TLE2: variants seen among roughly 807,000 people sequenced by gnomAD.
TLE2 encodes the protein transducin-like enhancer protein 2.
In TLE2, 74 loss-of-function variants were observed where a neutral mutation model predicts 97.2. That is an observed-to-expected ratio of 0.76 (90% CI 0.63 to 0.92). The LOEUF (loss-of-function observed/expected upper bound fraction) is 0.92. TLE2 is among the 40% of genes least tolerant of loss of function. The probability of loss-of-function intolerance (pLI) is 0.00; values close to 1 mark genes in which losing one functional copy is unlikely to be tolerated. For missense variants in TLE2, 1,038 were observed against 1,008.7 expected, an observed-to-expected ratio of 1.03 and a Z score of -0.39; for synonymous variants, 499 against 432.1, an observed-to-expected ratio of 1.15 and a Z score of -1.92.
intron 10 of TLE2, among the ~76,000 whole-genome samples, 163 bp downstream of exon 10, chr19:3,014,407 G>A (rs894779956): frequency 6.6e-6 from 1 of 152,008 alleles, no homozygotes; most frequent in East Asian, 1.9e-4. Context: ...AGAGGAGGTC[G>A]GCCAGAGGTG....
intron 18 of TLE2, 21 bp from the exon 19 acceptor site, chr19:3,000,744 G>C (rs1487434436): frequency 3.8e-6 from 6 of 1,566,916 alleles, no homozygotes; most frequent in Non-Finnish European, 5.2e-6. Context: ...GAGAGCAGCA[G>C]GGTTCAAGGA....
In TLE2 at chr19:3,025,076, T is replaced by A. The variant is rs1158027724; in HGVS notation, c.238A>T (p.Ile80Phe). 3.8e-6 allele frequency: 6 copies of A among 1,561,816 alleles called. No homozygotes were observed. The highest frequency in any genetic ancestry group is 5.2e-6 in the Non-Finnish European group (6 of 1,149,644). The change falls in exon 5 of 20, where the codon ATT becomes TTT. Residue 80 changes from isoleucine (I) to phenylalanine (F), a missense_variant. Transcript: ENST00000262953. The stretch of plus-strand genomic sequence containing the variant: ...CAGATACCGCTCAGACGCTTCACAA[T>A]CTCCGCCTGGCAGGAAGCAATGAGA... ...LNIEMHKQAE[I>F]VKRLSGICAQ... is the part of the protein sequence containing the mutation.
chr19:3,015,232 C>G (rs1177372775), intron 9 of TLE2, among the ~76,000 whole-genome samples: 1 of 152,178 alleles, frequency 6.6e-6, no homozygotes, highest in Non-Finnish European at 1.5e-5. Context: ...CACATTCGGC[C>G]TGGCCCCTGG....
intron 10 of TLE2, among the ~76,000 whole-genome samples, chr19:3,014,027 G>A (rs2089651620): frequency 6.6e-6 from 1 of 151,224 alleles, no homozygotes. Context: ...TACCCAGGCT[G>A]GAGTAATGGC....
In TLE2 at chr19:3,027,850, G is replaced by A; in HGVS notation, c.210C>T (p.Leu70=). Residue 70 remains leucine (L), a synonymous_variant, in exon 4 of 20, where the codon CTC becomes CTT. Transcript: ENST00000262953. ...YVMYYEMSYG[L]NIEMHKQAEI... ...TTACCTGCTTATGCATTTCAATGTT[G>A]AGCCCGTACGACATCTCATAATACT... 1 of 1,611,582 alleles carries A rather than the reference G, an allele frequency of 6.2e-7. No homozygotes were observed. The highest frequency in any genetic ancestry group is 2.2e-5 in the East Asian group (1 of 44,862).
chr19:3,046,809 G>A (rs2090144398), upstream of TLE2, among the ~76,000 whole-genome samples: 1 of 151,782 alleles, frequency 6.6e-6, no homozygotes, highest in East Asian at 1.9e-4. Context: ...TGTTAGAGCG[G>A]GAGAGGTAAC....
intron 15 of TLE2, 29 bp from the exon 16 acceptor site, chr19:3,005,997 G>C (rs1325116065): frequency 6.2e-7 from 1 of 1,608,974 alleles, no homozygotes; most frequent in East Asian, 2.2e-5. Flanking sequence ...GCAGGGGCTG[G>C]GGGTTGGTCC....
chr19:3,005,950 G>T lies in TLE2; in HGVS notation c.1519C>A (p.Arg507Ser). The part of the protein sequence containing the change: ...LDCLNRDNYI[R>S]SCKLLPDGRS... ...CCATCCGGCAGCAACTTGCAGGAAC[G>T]AATGTAGTTGTCTCGGTTCTGGGGT... is the stretch of plus-strand genomic sequence containing the variant. Residue 507 changes from arginine (R) to serine (S), a missense_variant, in exon 16 of 20, where the codon CGT (arginine) becomes AGT (serine). Physicochemically the swap from Arg to Ser is moderately radical, Grantham distance 110. Transcript: ENST00000262953. 2 of 1,610,228 alleles carry T rather than the reference G, an allele frequency of 1.2e-6. No individual in the cohort carries two copies. The highest frequency in any genetic ancestry group is 1.7e-6 in the Non-Finnish European group (2 of 1,176,844).
intron 1 of TLE2, among the ~76,000 whole-genome samples, chr19:3,044,225 G>A (rs969745936): frequency 6.6e-6 from 1 of 150,888 alleles, no homozygotes; most frequent in Non-Finnish European, 1.5e-5. Context: ...GGGCCTCCTC[G>A]TGACTTTCTG....
upstream of TLE2, among the ~76,000 whole-genome samples, chr19:3,034,190 C>T (rs1029425727): frequency 8.0e-4 from 121 of 152,116 alleles, no homozygotes; most frequent in African/African-American, 2.8e-3. Flanking sequence ...CAACACCTGG[C>T]CTGCAACCCT....
intron 1 of TLE2, among the ~76,000 whole-genome samples, chr19:3,036,365 G>A (rs2090062690): frequency 6.6e-6 from 1 of 151,772 alleles, no homozygotes; most frequent in South Asian, 2.1e-4. Context: ...CCTCCCTCCC[G>A]CCAGCTCCCG....
intron 1 of TLE2, among the ~76,000 whole-genome samples, chr19:3,040,998 T>TATATATATATATATATATATAC: frequency 3.4e-5 from 1 of 29,432 alleles, no homozygotes; most frequent in African/African-American, 2.1e-4. Flanking sequence ...CATTTATATA[T>TATATATATATATATATATATAC]ATATATATAT....
intron 12 of TLE2, 48 bp from the exon 13 acceptor site, chr19:3,009,750 C>T: frequency 6.4e-7 from 1 of 1,553,808 alleles, no homozygotes; most frequent in Non-Finnish European, 8.7e-7. Flanking sequence ...GGACCCAGAT[C>T]CCGCCTCCCA....
At chr19:3,010,902 G>A in intron 12 of TLE2, 120 bp downstream of exon 12, 2 of 1,369,916 alleles carry the variant, frequency 1.5e-6, no homozygotes, top group Non-Finnish European at 2.0e-6. Context: ...GTCACAAAAA[G>A]GACCAAGGCA....
rs2089378540 is a variant in TLE2 at position 3,002,256 on chromosome 19, T to C, written c.2047+97A>G. ...GAGTATATAAAACTTAGTATATAAA[T>C]AACATTATTTGTTATTTATCTAAGA... is the stretch of plus-strand genomic sequence containing the variant. On this transcript the variant is annotated intron_variant, in intron 18 of 19. Transcript: ENST00000262953. 3.8e-5 allele frequency: 53 copies of C among 1,403,504 alleles called. No individual in the cohort carries two copies. The South Asian group carries it at 7.7e-4, about 20-fold the overall frequency. 86.9% of individuals were successfully genotyped at this position (1,403,504 alleles called of 1,614,324 possible). A position where few individuals can be genotyped will look rare whatever the true frequency, so the allele number is the denominator to read the frequency against.
intron 17 of TLE2, among the ~76,000 whole-genome samples, chr19:3,004,830 C>A (rs1461321407): frequency 3.9e-5 from 6 of 152,032 alleles, no homozygotes. Context: ...CATGGAAACC[C>A]TGAATGACAG....
chr19:3,019,337 G>C lies in TLE2; in HGVS notation c.496C>G (p.Leu166Val). ...LSGALAAQAQ[L>V]AAAVKEDRAG... is the part of the protein sequence containing the mutation. Reference sequence around the variant, plus strand: ...CGGTCCTCCTTGACAGCCGCCGCCAGCTGAGCCTGGGCAGCCAGGGCTCCA... The same window carrying C: ...CGGTCCTCCTTGACAGCCGCCGCCACCTGAGCCTGGGCAGCCAGGGCTCCA... The change falls in exon 7 of 20, where the codon CTG (leucine) becomes GTG (valine). Residue 166 changes from leucine to valine, a missense_variant. Transcript: ENST00000262953. This position sits in a 1 kb window ranked among gnomAD's most constrained non-coding sequence, Gnocchi z 5.1. 6.4e-7 allele frequency: 1 copy of C among 1,571,244 alleles called. No homozygotes were observed. The highest frequency in any genetic ancestry group is 8.6e-7 in the Non-Finnish European group (1 of 1,166,652).
rs1402505714 is a variant in TLE2, at chr19:3,013,663, CCTT to C, written c.873+3_873+5del. 2 of 1,373,770 alleles carry C rather than the reference CCTT, an allele frequency of 1.5e-6. No homozygotes were observed. Among genetic ancestry groups the C allele is most frequent in the Non-Finnish European group, 1.9e-6 (2 of 1,053,826 alleles). The allele number at this position is 1,373,770 out of a possible 1,614,324, so 85.1% of individuals were successfully genotyped here. ...GTGAGTTTCAAGGCCCTCCCCTCCT[CCTT>C]ACCAGGATGAGCTCCTTGGCTCTAG... is the stretch of plus-strand genomic sequence containing the variant. On this transcript the variant is annotated splice_donor_5th_base_variant and intron_variant, in intron 11 of 19. Transcript: ENST00000262953.
At chr19:3,015,442 G>A (rs574604077) in intron 9 of TLE2, among the ~76,000 whole-genome samples, 2 of 152,222 alleles carry the variant, frequency 1.3e-5, no homozygotes, top group Non-Finnish European at 2.9e-5. Context: ...ATGGCTGTAC[G>A]GCCAAGAGGC....
Sources: allele counts gnomAD v4.1 joint callset (sites outside exome capture counted in the v4.1 genomes callset), GRCh38; gene constraint gnomAD v4.1.1; non-coding constraint Gnocchi (gnomAD v3.1); transcripts MANE v1.5; gene names NCBI Gene and HGNC (gene_info 2026-07-23, HGNC 2026-07-21).